MKLN1: variants seen among roughly 807,000 people sequenced by gnomAD.
The protein encoded by MKLN1 is muskelin 1, also known as muskelin.
Under a neutral mutation model 99.0 loss-of-function variants are expected in MKLN1, and 18 were observed. The observed-to-expected ratio is 0.18, with a 90% CI of 0.13 to 0.27. The LOEUF (loss-of-function observed/expected upper bound fraction) is 0.27. MKLN1 is among the 10% of genes least tolerant of loss of function. The pLI is 1.00. For synonymous variants in MKLN1, 288 were observed against 293.2 expected (o/e 0.98, Z 0.18); for missense variants, 621 against 875.9 (o/e 0.71, Z 3.67).
chr7:131,336,040 TAA>T (rs2116708877), intron 1 of MKLN1, among the ~76,000 whole-genome samples: 1 of 151,914 alleles, frequency 6.6e-6, no homozygotes, highest in Admixed American at 6.6e-5. Flanking sequence ...GTCTTGAGGT[TAA>T]GTGTCAAATG....
chr7:131,418,715 G>A (rs3847109), intron 8 of MKLN1, among the ~76,000 whole-genome samples: 5,693 of 152,248 alleles, frequency 0.037, 183 homozygotes, highest in Admixed American at 0.095. Flanking sequence ...GTTTTCTCTA[G>A]TAAAATTGAT....
At chr7:131,251,404 G>C (rs1359465169) in intron 3 of MKLN1, among the ~76,000 whole-genome samples, 2 of 152,122 alleles carry the variant, frequency 1.3e-5, no homozygotes, top group African/African-American at 2.4e-5. Flanking sequence ...CACACATAGG[G>C]GTTTTTGGCC....
chr7:131,192,011 C>T (rs1184800920), intron 2 of MKLN1, among the ~76,000 whole-genome samples: 16 of 143,404 alleles, frequency 1.1e-4, no homozygotes, highest in South Asian at 8.5e-4. Context: ...TGAGCCACCG[C>T]GCCCAGCCTG....
At chr7:131,447,891 A>G (rs1482104848) in intron 12 of MKLN1, among the ~76,000 whole-genome samples, 1 of 152,174 alleles carries the variant, frequency 6.6e-6, no homozygotes, top group Non-Finnish European at 1.5e-5. Flanking sequence ...TTTGAGTGCA[A>G]GGAAGGTGTT....
intron 3 of MKLN1, among the ~76,000 whole-genome samples, chr7:131,253,614 A>G (rs940739718): frequency 3.9e-5 from 6 of 152,178 alleles, no homozygotes; most frequent in African/African-American, 1.4e-4. Flanking sequence ...TGCTTATGAA[A>G]CAGAATCATC....
chr7:131,176,561 A>C (rs1404756702), intron 2 of MKLN1, among the ~76,000 whole-genome samples: 1 of 152,228 alleles, frequency 6.6e-6, no homozygotes, highest in African/African-American at 2.4e-5. Flanking sequence ...ATAAGCAAAA[A>C]TAAAGCTAGG....
At chr7:131,232,495 A>T (rs770916350) in intron 3 of MKLN1, among the ~76,000 whole-genome samples, 2 of 152,294 alleles carry the variant, frequency 1.3e-5, no homozygotes, top group Admixed American at 1.3e-4. Flanking sequence ...GGTCTCAGAG[A>T]AGTCTTTTGA....
At chr7:131,151,268 T>C (rs565798084) in intron 2 of MKLN1, among the ~76,000 whole-genome samples, 1 of 152,338 alleles carries the variant, frequency 6.6e-6, no homozygotes, top group African/African-American at 2.4e-5. Flanking sequence ...ACTAACACTG[T>C]AGTAAAACCA....
At chr7:131,222,860 C>CAAAA (rs375317109) in intron 3 of MKLN1, among the ~76,000 whole-genome samples, 5 of 88,632 alleles carry the variant, frequency 5.6e-5, no homozygotes, top group African/African-American at 7.7e-5. Context: ...GCTAAAAATA[C>CAAAA]AAAAAAAAAA....
At chr7:131,477,869 A>G (rs371042144) in intron 16 of MKLN1, among the ~76,000 whole-genome samples, 4 of 152,202 alleles carry the variant, frequency 2.6e-5, no homozygotes, top group African/African-American at 9.7e-5. Context: ...CATTCCTTTA[A>G]CTGGTCTCTT....
chr7:131,175,623 C>T (rs916933247), intron 2 of MKLN1, among the ~76,000 whole-genome samples: 2 of 152,146 alleles, frequency 1.3e-5, no homozygotes, highest in Admixed American at 6.5e-5. Flanking sequence ...ACAAATAGGC[C>T]GGGCCCAGTG....
At chr7:131,393,463 C>T (rs1373470333) in intron 4 of MKLN1, among the ~76,000 whole-genome samples, 2 of 152,074 alleles carry the variant, frequency 1.3e-5, no homozygotes, top group Non-Finnish European at 2.9e-5. Context: ...AATATATATG[C>T]CCATTGGCAA....
At chr7:131,141,416 G>T (rs66581308) in intron 1 of MKLN1, among the ~76,000 whole-genome samples, 24,988 of 152,028 alleles carry the variant, frequency 0.16, 2,508 homozygotes, top group African/African-American at 0.28. Context: ...CTGATCTCCA[G>T]TCCGGACTTT....
chr7:131,396,789 A>AT (rs1327375700), intron 4 of MKLN1, among the ~76,000 whole-genome samples: 1 of 152,094 alleles, frequency 6.6e-6, no homozygotes, highest in Non-Finnish European at 1.5e-5. Context: ...ATCTGATAGA[A>AT]TTTTTTGCAA....
At chr7:131,409,920 T>G (rs10269703) in intron 6 of MKLN1, among the ~76,000 whole-genome samples, 83,542 of 151,940 alleles carry the variant, frequency 0.55, 23,445 homozygotes, top group East Asian at 0.68. Context: ...TCGACAAATT[T>G]GCTTTAATAT....
intron 8 of MKLN1, 113 bp downstream of exon 8, chr7:131,414,823 A>T (rs1794970371): frequency 2.3e-6 from 1 of 443,008 alleles, no homozygotes; most frequent in Admixed American, 3.4e-5. Flanking sequence ...ACACAAATGA[A>T]ATTAGATTAC....
intron 9 of MKLN1, among the ~76,000 whole-genome samples, chr7:131,431,590 C>T (rs567049155): frequency 6.6e-6 from 1 of 152,246 alleles, no homozygotes; most frequent in East Asian, 1.9e-4. Flanking sequence ...ATGAAGTAGA[C>T]ATGAGCAATC....
At chr7:131,330,309 A>T (rs1799034063) in intron 1 of MKLN1, among the ~76,000 whole-genome samples, 1 of 152,380 alleles carries the variant, frequency 6.6e-6, no homozygotes, top group East Asian at 1.9e-4. Flanking sequence ...GAAATTGTCC[A>T]CAAAGTGGCA....
At chr7:131,253,560 A>G (rs112517070) in intron 3 of MKLN1, among the ~76,000 whole-genome samples, 29 of 152,282 alleles carry the variant, frequency 1.9e-4, no homozygotes, top group African/African-American at 7.0e-4. Context: ...AAAGGGAGAT[A>G]CAAGTCAAGA....
Sources: gnomAD v4.1 joint callset for allele counts (sites outside exome capture counted in the v4.1 genomes callset) on GRCh38, gnomAD v4.1.1 for gene constraint, MANE v1.5 for transcripts, NCBI Gene and HGNC (gene_info 2026-07-23, HGNC 2026-07-21) for gene names.